The following SNX8 variants were observed in gnomAD, a reference collection of about 807,000 sequenced individuals.
SNX8 encodes the protein sorting nexin 8.
Under a neutral mutation model 51.6 loss-of-function variants are expected in SNX8, and 25 were observed. That is an observed-to-expected ratio of 0.48 (90% CI 0.35 to 0.68). The LOEUF (loss-of-function observed/expected upper bound fraction) is 0.68. Ranked by LOEUF, SNX8 falls within the 30% of genes least tolerant of loss-of-function variation. The pLI is 0.00. For synonymous variants in SNX8, 324 were observed against 277.0 expected (o/e 1.17, Z -1.68); for missense variants, 695 against 624.0 (o/e 1.11, Z -1.21).
chr7:2,264,446 C>T lies in SNX8; in HGVS notation c.634G>A (p.Ala212Thr). 6.2e-7 allele frequency: 1 copy of T among 1,610,988 alleles called. No homozygotes were observed. Among genetic ancestry groups the T allele is most frequent in the Non-Finnish European group, 8.5e-7 (1 of 1,179,834 alleles). ...LATRAKDFLP[A>T]DIQAQFAISR... ...ATGGCAAACTGAGCCTGGATGTCAG[C>T]TGGGAGGAAGTCCTGACATCATGAT... is the stretch of plus-strand genomic sequence containing the variant. Residue 212 changes from alanine (A) to threonine (T), a missense_variant, in exon 6 of 11, where the codon GCT becomes ACT. Coordinates refer to ENST00000222990, the MANE Select transcript of SNX8 (RefSeq NM_013321.4).
At chr7:2,341,140 G>T (rs1045456226) in intron 1 of SNX8, among the ~76,000 whole-genome samples, 3 of 149,380 alleles carry the variant, frequency 2.0e-5, no homozygotes, top group Admixed American at 6.8e-5. Flanking sequence ...ATTCACTCCA[G>T]CCTGGGTGAC....
At chr7:2,349,966 A>AC (rs1366386103) in intron 1 of SNX8, among the ~76,000 whole-genome samples, 2 of 151,912 alleles carry the variant, frequency 1.3e-5, no homozygotes, top group African/African-American at 2.4e-5. Flanking sequence ...CCCAGGCTAC[A>AC]CCCGGAGCCA....
At chr7:2,342,320 G>A (rs192498788) in intron 1 of SNX8, among the ~76,000 whole-genome samples, 2 of 151,912 alleles carry the variant, frequency 1.3e-5, no homozygotes, top group African/African-American at 4.8e-5. Flanking sequence ...AGCACTGATT[G>A]CATGTATTAG....
chr7:2,318,672 G>A (rs1796791408), upstream of SNX8, among the ~76,000 whole-genome samples: 1 of 151,760 alleles, frequency 6.6e-6, no homozygotes, highest in African/African-American at 2.4e-5. Flanking sequence ...TCCAGCTTGG[G>A]CGAAAACAGG....
intron 1 of SNX8, among the ~76,000 whole-genome samples, chr7:2,322,150 T>C (rs145060739): frequency 6.6e-6 from 1 of 152,278 alleles, no homozygotes; most frequent in African/African-American, 2.4e-5. Context: ...GCTGGGCAAA[T>C]GGACAGAACT....
At chr7:2,324,589 C>G (rs1049760872) in intron 1 of SNX8, among the ~76,000 whole-genome samples, 1 of 151,760 alleles carries the variant, frequency 6.6e-6, no homozygotes, top group Admixed American at 6.6e-5. Context: ...CTGTGACTGA[C>G]CTATTTTTCA....
chr7:2,351,372 T>C (rs1779135243), intron 1 of SNX8, among the ~76,000 whole-genome samples: 2 of 152,058 alleles, frequency 1.3e-5, no homozygotes, highest in African/African-American at 2.4e-5. Flanking sequence ...AGCAACATAG[T>C]GAGACCCCAT....
intron 1 of SNX8, among the ~76,000 whole-genome samples, chr7:2,309,046 C>G (rs980168546): frequency 1.3e-5 from 2 of 152,050 alleles, no homozygotes; most frequent in Non-Finnish European, 2.9e-5. Flanking sequence ...ACCTCGGCCT[C>G]CCAAAGTGCT....
At chr7:2,340,388 T>C (rs1020056632) in intron 1 of SNX8, among the ~76,000 whole-genome samples, 1 of 151,926 alleles carries the variant, frequency 6.6e-6, no homozygotes, top group Non-Finnish European at 1.5e-5. Flanking sequence ...ACAAAACTTT[T>C]AGAGGAAAAT....
chr7:2,308,529 A>T (rs1796595314), intron 1 of SNX8, among the ~76,000 whole-genome samples: 1 of 151,840 alleles, frequency 6.6e-6, no homozygotes, highest in Admixed American at 6.6e-5. Flanking sequence ...TTAGCTGGGC[A>T]TGGTGGCACA....
Position 2,271,877 on chromosome 7 carries a change from G to C in SNX8, c.513C>G (p.Leu171=). Residue 171 remains leucine (L), a synonymous_variant, in exon 4 of 11, where the codon CTC becomes CTG. Coordinates refer to ENST00000222990, the MANE Select transcript of SNX8 (RefSeq NM_013321.4). ...AGCCGCTGAAGGACAGGAAGAGCTT[G>C]AGGACCACATCCTCGGAGAACAGGG... ...RHPLFSEDVV[L]KLFLSFSGSD... 1.2e-6 allele frequency: 2 copies of C among 1,612,806 alleles called. No homozygotes were observed. The highest frequency in any genetic ancestry group is 1.7e-6 in the Non-Finnish European group (2 of 1,179,532).
intron 1 of SNX8, among the ~76,000 whole-genome samples, chr7:2,285,531 A>C (rs532748275): frequency 7.3e-4 from 111 of 152,370 alleles, no homozygotes; most frequent in African/African-American, 2.5e-3. Context: ...GCCAGGGAAC[A>C]GCAGGAACGC....
At position 2,269,143 on chromosome 7, in the gene SNX8, AAAG is replaced by A. The variant is rs1218058208; in HGVS notation, c.621+413_621+415del. ...TCGGATGGTTGCCGTGTCTGTGTAG[AAAG>A]AAGTAGACATGGGAGACTTTTCATT... On this transcript the variant is annotated intron_variant, in intron 5 of 10. Transcript: ENST00000222990. 1.4e-3 allele frequency among the ~76,000 whole-genome samples: 205 copies of A among 148,022 alleles called. 1 individual carries two copies. Among genetic ancestry groups the A allele is most frequent in the Middle Eastern group, 3.5e-3 (1 of 284 alleles).
chr7:2,264,100 G>A (rs974458645), intron 6 of SNX8, among the ~76,000 whole-genome samples, 198 bp downstream of exon 6: 10 of 152,174 alleles, frequency 6.6e-5, no homozygotes, highest in Middle Eastern at 3.4e-3. Flanking sequence ...TCAGAAATCC[G>A]TGTTTCAGGG....
chr7:2,324,257 C>T (rs1209424599), intron 1 of SNX8, among the ~76,000 whole-genome samples: 2 of 151,674 alleles, frequency 1.3e-5, no homozygotes, highest in South Asian at 4.2e-4. Context: ...CCAGCCTGGG[C>T]AACGTAGTGA....
Position 2,257,468 on chromosome 7 carries a change from C to T in SNX8, c.1031G>A (p.Arg344Gln). Residue 344 changes from arginine (R) to glutamine (Q), a missense_variant, in exon 9 of 11, where the codon CGG becomes CAG. Arg to Gln is a conservative substitution (Grantham distance 43). Transcript: ENST00000222990. ...HEKGVLHKHQ[R>Q]ALHKYSLMKR... ...CATCAGGCTGTACTTGTGCAGGGCC[C>T]GCTGGTGCTTGTGCAACACGCCCTT... 1 of 1,607,666 alleles carries T rather than the reference C, an allele frequency of 6.2e-7. No individual in the cohort carries two copies. Among genetic ancestry groups the T allele is most frequent in the Non-Finnish European group, 8.5e-7 (1 of 1,178,430 alleles).
chr7:2,332,082 CT>C (rs933143975), intron 1 of SNX8, among the ~76,000 whole-genome samples: 4 of 151,782 alleles, frequency 2.6e-5, no homozygotes, highest in African/African-American at 9.7e-5. Context: ...CGGCTTGCAC[CT>C]GTAGTTCCAG....
At chr7:2,268,004 A>G (rs1188582168) in intron 5 of SNX8, among the ~76,000 whole-genome samples, 7 of 140,198 alleles carry the variant, frequency 5.0e-5, no homozygotes, top group African/African-American at 1.4e-4. Flanking sequence ...CCCGGCCGAG[A>G]CCCCGTCTGG....
At chr7:2,286,681 G>C (rs1796036948) in intron 1 of SNX8, among the ~76,000 whole-genome samples, 3 of 151,260 alleles carry the variant, frequency 2.0e-5, no homozygotes, top group Admixed American at 2.0e-4. Flanking sequence ...ACCACATCCG[G>C]CTAATTTTTT....
Sources: gnomAD v4.1 joint callset for allele counts (sites outside exome capture counted in the v4.1 genomes callset) on GRCh38, gnomAD v4.1.1 for gene constraint, MANE v1.5 for transcripts, NCBI Gene and HGNC (gene_info 2026-07-23, HGNC 2026-07-21) for gene names.